NDUFS6: variants seen among roughly 807,000 people sequenced by gnomAD.
The protein encoded by NDUFS6 is NADH dehydrogenase [ubiquinone] iron-sulfur protein 6, mitochondrial.
NDUFS6 carries 14 observed loss-of-function variants against 13.2 expected under a neutral mutation model. That is an observed-to-expected ratio of 1.06 (90% CI 0.70 to 1.66). NDUFS6 has a LOEUF of 1.66. Ranked by LOEUF, NDUFS6 falls within the 40% of genes most tolerant of loss-of-function variation. NDUFS6 has a pLI of 0.00. For synonymous variants in NDUFS6, 95 were observed against 72.3 expected (o/e 1.31, Z -1.60); for missense variants, 206 against 170.8 (o/e 1.21, Z -1.15).
intron 3 of NDUFS6, among the ~76,000 whole-genome samples, chr5:1,815,297 C>T (rs547020694): frequency 3.6e-4 from 55 of 152,080 alleles, no homozygotes; most frequent in Non-Finnish European, 6.6e-4. Flanking sequence ...GGGAGGCCAC[C>T]GACAGTGGAG....
Position 1,815,918 on chromosome 5 carries a change from G to C in NDUFS6, c.*2G>C. 1.9e-6 allele frequency: 3 copies of C among 1,614,262 alleles called. No individual in the cohort carries two copies. The highest frequency in any genetic ancestry group is 2.5e-6 in the Non-Finnish European group (3 of 1,180,050). On this transcript the variant is annotated 3_prime_UTR_variant, in exon 4 of 4. Transcript: ENST00000274137. ...CAGTTCAGACAGCACCACCACTAGA[G>C]CGTGTGGCACGCCGGGGGTCCCGCA...
intron 2 of NDUFS6, among the ~76,000 whole-genome samples, chr5:1,804,606 C>T (rs1734096702): frequency 6.6e-6 from 1 of 152,242 alleles, no homozygotes; most frequent in African/African-American, 2.4e-5. Context: ...GCATCCTGCC[C>T]AAGCTTTCCT....
At chr5:1,801,581 C>T (rs1416196346) in intron 1 of NDUFS6, 32 bp downstream of exon 1, 5 of 1,547,928 alleles carry the variant, frequency 3.2e-6, no homozygotes, top group African/African-American at 1.4e-5. Context: ...ATGCACCTTC[C>T]TCCAGCCGCA....
chr5:1,807,962 T>G (rs1172019621), intron 2 of NDUFS6, among the ~76,000 whole-genome samples: 1 of 152,148 alleles, frequency 6.6e-6, no homozygotes, highest in Non-Finnish European at 1.5e-5. Context: ...GTGGTGCCGC[T>G]GGAGCTCCAG....
intron 2 of NDUFS6, among the ~76,000 whole-genome samples, chr5:1,810,655 C>T (rs1238664234): frequency 6.6e-6 from 1 of 152,126 alleles, no homozygotes; most frequent in Non-Finnish European, 1.5e-5. Context: ...CCCATGTATC[C>T]AGGCAGTCAG....
intron 2 of NDUFS6, among the ~76,000 whole-genome samples, chr5:1,804,654 G>A (rs1004077856): frequency 1.3e-5 from 2 of 152,236 alleles, no homozygotes; most frequent in Non-Finnish European, 2.9e-5. Flanking sequence ...ACTATTTTTA[G>A]TAGTAGTTGT....
Position 1,801,429 on chromosome 5 carries a change from G to C in NDUFS6, c.12G>C (p.Ala4=), listed in dbSNP as rs759216530. 2 of 1,605,132 alleles carry C rather than the reference G, an allele frequency of 1.2e-6. No homozygotes were observed. Among genetic ancestry groups the C allele is most frequent in the South Asian group, 1.1e-5 (1 of 90,874 alleles). Residue 4 remains alanine (A), a synonymous_variant, in exon 1 of 4, where the codon GCG becomes GCC. Transcript: ENST00000274137. ...GCCAGCGGCGCAAAATGGCGGCGGC[G>C]ATGACCTTCTGCCGGCTGCTGAACC... MAA[A]MTFCRLLNRC... is the part of the protein sequence containing the mutation.
intron 2 of NDUFS6, among the ~76,000 whole-genome samples, chr5:1,807,206 T>TCA (rs1734141004): frequency 5.1e-5 from 1 of 19,444 alleles, no homozygotes; most frequent in African/African-American, 1.6e-4. Context: ...GTGTGAACAC[T>TCA]GTGTGATTCC....
intron 2 of NDUFS6, 78 bp downstream of exon 2, chr5:1,802,452 A>C (rs914668921): frequency 3.9e-5 from 47 of 1,199,624 alleles, no homozygotes; most frequent in African/African-American, 6.2e-5. Flanking sequence ...AAATTAATAT[A>C]TAAGATTTAA....
At chr5:1,801,700 C>A in intron 1 of NDUFS6, 151 bp downstream of exon 1, 1 of 1,241,356 alleles carries the variant, frequency 8.1e-7, no homozygotes, top group Non-Finnish European at 1.1e-6. Flanking sequence ...CCGGGGAGGA[C>A]GCCCGCGAGT....
chr5:1,802,844 C>T (rs1462445862), intron 2 of NDUFS6, among the ~76,000 whole-genome samples: 2 of 152,078 alleles, frequency 1.3e-5, no homozygotes, highest in African/African-American at 4.8e-5. Context: ...AAGGGAAGAT[C>T]AGTTCAGGTG....
chr5:1,801,864 A>G (rs771985831), intron 1 of NDUFS6, among the ~76,000 whole-genome samples: 5 of 152,218 alleles, frequency 3.3e-5, no homozygotes, highest in Non-Finnish European at 7.3e-5. Flanking sequence ...GAACGTTTAG[A>G]ATTTGTGTAA....
intron 2 of NDUFS6, among the ~76,000 whole-genome samples, chr5:1,804,724 A>T (rs1206132060): frequency 6.6e-6 from 1 of 152,250 alleles, no homozygotes; most frequent in Non-Finnish European, 1.5e-5. Flanking sequence ...AAACTGAAGA[A>T]AGTAGGGTTT....
rs1333145775 is a variant in NDUFS6 at position 1,814,936 on chromosome 5, G to C, written c.309+475G>C. ...TTCACAGGGCCGTCCCTCTGTGGGA[G>C]ACTCCTCATCCCCTCTTCTTATAAG... On this transcript the variant is annotated intron_variant, in intron 3 of 3. Transcript: ENST00000274137. This position sits in a 1 kb window ranked among gnomAD's most constrained non-coding sequence, Gnocchi z 4.9. Among the ~76,000 whole-genome samples, 1 of 152,174 alleles carries C rather than the reference G, an allele frequency of 6.6e-6. No individual in the cohort carries two copies. Among genetic ancestry groups the C allele is most frequent in the Non-Finnish European group, 1.5e-5 (1 of 68,028 alleles).
rs756553802 is a variant in NDUFS6, at chr5:1,814,579, A to T, written c.309+118A>T. Reference sequence around the variant, plus strand: ...TCTACCTGCTCCCGAGGCGGCCCTTACGGGGTTCACACTGCTGGCACATTC... The same window carrying T: ...TCTACCTGCTCCCGAGGCGGCCCTTTCGGGGTTCACACTGCTGGCACATTC... On this transcript the variant is annotated intron_variant, in intron 3 of 3. Transcript: ENST00000274137. This position sits in a 1 kb window ranked among gnomAD's most constrained non-coding sequence, Gnocchi z 4.9. 2 of 1,474,658 alleles carry T rather than the reference A, an allele frequency of 1.4e-6. 1 individual carries two copies. Among genetic ancestry groups the T allele is most frequent in the Non-Finnish European group, 1.9e-6 (2 of 1,077,986 alleles). The allele number at this position is 1,474,658 out of a possible 1,614,324, so 91.3% of individuals were successfully genotyped here.
chr5:1,808,176 G>T (rs1400326065), intron 2 of NDUFS6, among the ~76,000 whole-genome samples: 1 of 152,178 alleles, frequency 6.6e-6, no homozygotes, highest in Non-Finnish European at 1.5e-5. Context: ...GGTTTAAGAG[G>T]GGAGGTTTGC....
At chr5:1,808,403 G>A (rs925640044) in intron 2 of NDUFS6, among the ~76,000 whole-genome samples, 20 of 152,198 alleles carry the variant, frequency 1.3e-4, no homozygotes, top group Admixed American at 7.2e-4. Flanking sequence ...GATAAGAACC[G>A]TGGGTCTTTG....
At chr5:1,812,851 G>A (rs13170104) in intron 2 of NDUFS6, among the ~76,000 whole-genome samples, 76,785 of 151,508 alleles carry the variant, frequency 0.51, 22,114 homozygotes, top group Middle Eastern at 0.66. Flanking sequence ...TCAGGAGTTC[G>A]AGACCAGCCT....
In NDUFS6 at chr5:1,814,246, C is replaced by T; in HGVS notation, c.187-93C>T. 1 of 1,537,720 alleles carries T rather than the reference C, an allele frequency of 6.5e-7. No individual in the cohort carries two copies. On this transcript the variant is annotated intron_variant, in intron 2 of 3. Coordinates refer to ENST00000274137, the MANE Select transcript of NDUFS6 (RefSeq NM_004553.6). This position sits in a 1 kb window ranked among gnomAD's most constrained non-coding sequence, Gnocchi z 4.9. ...ATGAAGCATGCACCATAGATTCGTG[C>T]TGATGGTACATGAATTTGTGTGTGG... is the stretch of plus-strand genomic sequence containing the variant.
Sources: allele counts gnomAD v4.1 joint callset (sites outside exome capture counted in the v4.1 genomes callset), GRCh38; gene constraint gnomAD v4.1.1; non-coding constraint Gnocchi (gnomAD v3.1); transcripts MANE v1.5; gene names NCBI Gene and HGNC (gene_info 2026-07-23, HGNC 2026-07-21).